Variants in NEGR1 observed in about 807,000 individuals in gnomAD.
NEGR1 encodes the protein IgLON family member 4.
In NEGR1, 10 loss-of-function variants were observed where a neutral mutation model predicts 40.9. The observed-to-expected ratio is 0.24, with a 90% confidence interval of 0.15 to 0.42. The LOEUF (loss-of-function observed/expected upper bound fraction) is 0.42. Among genes scored for constraint, NEGR1 ranks in the 10% least tolerant of loss-of-function variants. The probability of loss-of-function intolerance (pLI) is 1.00; values close to 1 mark genes in which losing one functional copy is unlikely to be tolerated. For synonymous variants in NEGR1, 185 were observed against 166.8 expected (o/e 1.11, Z -0.84); for missense variants, 352 against 438.9 (o/e 0.80, Z 1.77).
intron 6 of NEGR1, among the ~76,000 whole-genome samples, chr1:71,576,210 A>G (rs142585454): frequency 2.0e-5 from 3 of 152,292 alleles, no homozygotes; most frequent in East Asian, 3.9e-4. Flanking sequence ...GACTCTTCCA[A>G]CTGGCAGGAG....
At chr1:71,487,213 C>G (rs1646893369) in intron 6 of NEGR1, 1 of 151,588 alleles carries the variant, frequency 6.6e-6, no homozygotes. Context: ...ATCAGGAGTT[C>G]TTGCTGAAAT....
intron 5 of NEGR1, among the ~76,000 whole-genome samples, chr1:71,609,582 A>T (rs1419294218): frequency 7.2e-6 from 1 of 138,950 alleles, no homozygotes; most frequent in Admixed American, 7.8e-5. Flanking sequence ...TGGGGATATT[A>T]TCCCTTATTA....
intron 4 of NEGR1, among the ~76,000 whole-genome samples, chr1:71,639,732 C>T (rs1004037989): frequency 6.6e-6 from 1 of 152,022 alleles, no homozygotes; most frequent in African/African-American, 2.4e-5. Context: ...ATAGGCCCAA[C>T]ATGGGCACAT....
At chr1:71,408,370 G>T (rs999715799) in intron 6 of NEGR1, among the ~76,000 whole-genome samples, 7 of 151,932 alleles carry the variant, frequency 4.6e-5, no homozygotes, top group Admixed American at 4.6e-4. Flanking sequence ...TTTTTATATT[G>T]AAAGACATTT....
chr1:71,958,914 C>T (rs1175337788), intron 1 of NEGR1, among the ~76,000 whole-genome samples: 29 of 149,810 alleles, frequency 1.9e-4, no homozygotes, highest in Non-Finnish European at 3.0e-5. Context: ...GAGATTGTGC[C>T]ACTGCACTCC....
chr1:71,652,420 T>C (rs1270325836), intron 4 of NEGR1, among the ~76,000 whole-genome samples: 2 of 152,208 alleles, frequency 1.3e-5, no homozygotes, highest in Non-Finnish European at 2.9e-5. Context: ...TGGTCAAATC[T>C]AGCCATCTAC....
chr1:71,599,785 T>C (rs999151116), intron 5 of NEGR1, among the ~76,000 whole-genome samples: 1 of 152,188 alleles, frequency 6.6e-6, no homozygotes, highest in Non-Finnish European at 1.5e-5. Context: ...ATTAGAGATA[T>C]TTGGGCTGCT....
intron 6 of NEGR1, among the ~76,000 whole-genome samples, chr1:71,421,631 T>G (rs1044601450): frequency 1.3e-5 from 2 of 152,208 alleles, no homozygotes; most frequent in Middle Eastern, 3.4e-3. Context: ...TTCACTTATA[T>G]TCACAATTAA....
intron 6 of NEGR1, among the ~76,000 whole-genome samples, chr1:71,419,655 G>A (rs1055736074): frequency 2.0e-5 from 3 of 151,742 alleles, no homozygotes; most frequent in Admixed American, 1.3e-4. Flanking sequence ...TGAAAGTTTT[G>A]TCTCCTCTTG....
chr1:72,158,726 C>G (rs891026025), intron 1 of NEGR1, among the ~76,000 whole-genome samples: 9 of 152,018 alleles, frequency 5.9e-5, no homozygotes, highest in African/African-American at 2.2e-4. Context: ...GATTGAAAGA[C>G]AATTTGTACA....
chr1:71,694,607 CCA>C (rs1653412555), intron 4 of NEGR1, among the ~76,000 whole-genome samples: 1 of 151,552 alleles, frequency 6.6e-6, no homozygotes, highest in Non-Finnish European at 1.5e-5. Flanking sequence ...GAATAGAAAT[CCA>C]CAGTGACAGG....
intron 4 of NEGR1, among the ~76,000 whole-genome samples, chr1:71,625,676 T>TTA (rs1191213885): frequency 6.6e-6 from 1 of 151,354 alleles, no homozygotes; most frequent in African/African-American, 2.4e-5. Context: ...TTTCTATATT[T>TTA]TATATATATT....
chr1:72,120,890 A>C (rs1649776490), intron 1 of NEGR1, among the ~76,000 whole-genome samples: 1 of 152,050 alleles, frequency 6.6e-6, no homozygotes, highest in East Asian at 1.9e-4. Flanking sequence ...ACTTGCTTTC[A>C]CATACAATGT....
At chr1:71,897,999 A>T (rs1661018919) in intron 2 of NEGR1, among the ~76,000 whole-genome samples, 1 of 152,150 alleles carries the variant, frequency 6.6e-6, no homozygotes, top group South Asian at 2.1e-4. Context: ...TACTTTACGG[A>T]TAGTATTTTC....
chr1:71,655,631 T>C (rs570234844), intron 4 of NEGR1, among the ~76,000 whole-genome samples: 1 of 152,138 alleles, frequency 6.6e-6, no homozygotes, highest in Non-Finnish European at 1.5e-5. Context: ...GAAGCACCAA[T>C]TCTTGTTTTG....
chr1:71,983,818 A>G (rs1367069760), intron 1 of NEGR1, among the ~76,000 whole-genome samples: 1 of 152,192 alleles, frequency 6.6e-6, no homozygotes, highest in Non-Finnish European at 1.5e-5. Context: ...ATCATACTCC[A>G]TTTTATTTGT....
At chr1:72,126,147 AAG>A (rs1348076536) in intron 1 of NEGR1, among the ~76,000 whole-genome samples, 1 of 98,608 alleles carries the variant, frequency 1.0e-5, no homozygotes, top group African/African-American at 3.9e-5. Flanking sequence ...AAGACAGAGA[AAG>A]AGAGAGGAAC....
intron 6 of NEGR1, among the ~76,000 whole-genome samples, chr1:71,435,886 A>G (rs911934117): frequency 6.6e-6 from 1 of 152,174 alleles, no homozygotes. Flanking sequence ...TGAGTTCAAC[A>G]TGGAAGGCAT....
At chr1:72,174,270 T>C (rs1215711209) in intron 1 of NEGR1, among the ~76,000 whole-genome samples, 1 of 152,148 alleles carries the variant, frequency 6.6e-6, no homozygotes, top group Non-Finnish European at 1.5e-5. Flanking sequence ...GCACAGTCTC[T>C]TTTACTATCA....
Sources: allele counts gnomAD v4.1 joint callset (sites outside exome capture counted in the v4.1 genomes callset), GRCh38; gene constraint gnomAD v4.1.1; transcripts MANE v1.5; gene names NCBI Gene and HGNC (gene_info 2026-07-23, HGNC 2026-07-21).